Variants in ASTN2 observed in about 807,000 individuals in gnomAD.
ASTN2 encodes the protein astrotactin 2, also known as astrotactin-2.
Under a neutral mutation model 139.8 loss-of-function variants are expected in ASTN2, and 54 were observed. The observed-to-expected ratio is 0.39, with a 90% CI of 0.31 to 0.48. The LOEUF is 0.48. ASTN2 is among the 20% of genes least tolerant of loss of function. The pLI is 0.95. For missense variants in ASTN2, 1,565 were observed against 1,725.1 expected, an observed-to-expected ratio of 0.91 and a Z score of 1.64; for synonymous variants, 756 against 719.5, an observed-to-expected ratio of 1.05 and a Z score of -0.81.
chr9:117,207,254 G>A (rs965037760), intron 3 of ASTN2, among the ~76,000 whole-genome samples: 2 of 152,030 alleles, frequency 1.3e-5, no homozygotes, highest in Non-Finnish European at 2.9e-5. Context: ...CATGTCCCAG[G>A]TCCAAAAGAG....
At chr9:117,385,439 G>A (rs533566623) in intron 1 of ASTN2, among the ~76,000 whole-genome samples, 4 of 152,210 alleles carry the variant, frequency 2.6e-5, no homozygotes, top group Non-Finnish European at 5.9e-5. Flanking sequence ...GACAGAGAGA[G>A]ATCTGTGAGA....
At chr9:117,169,899 G>A (rs746256118) in intron 3 of ASTN2, among the ~76,000 whole-genome samples, 1 of 152,116 alleles carries the variant, frequency 6.6e-6, no homozygotes, top group Non-Finnish European at 1.5e-5. Context: ...AGTGCTTTGG[G>A]AACGGCATAA....
At chr9:117,160,458 C>G (rs573365439) in intron 3 of ASTN2, among the ~76,000 whole-genome samples, 15 of 89,574 alleles carry the variant, frequency 1.7e-4, no homozygotes, top group African/African-American at 2.6e-4. Context: ...GACCCATCTC[C>G]CTAAAAAGGC....
Position 116,626,672 on chromosome 9 carries a change from A to C in ASTN2, c.3073-6229T>G, listed in dbSNP as rs184221368. Among the ~76,000 whole-genome samples the C allele has an allele frequency of 6.1e-3, 925 of 152,178 alleles. 14 individuals carry two copies. Among genetic ancestry groups the C allele is most frequent in the African/African-American group, 0.022 (894 of 41,538 alleles). On this transcript the variant is annotated intron_variant, in intron 17 of 22. Transcript: ENST00000313400. The stretch of plus-strand genomic sequence containing the variant: ...TTGTCCAGAAGTTTTTGAAGATATA[A>C]AATAAGAAGCTTCTAAGGCCTAGAA...
intron 10 of ASTN2, among the ~76,000 whole-genome samples, chr9:116,911,903 A>G (rs1364901899): frequency 6.6e-6 from 1 of 152,130 alleles, no homozygotes; most frequent in African/African-American, 2.4e-5. Context: ...AAACAAACAA[A>G]CAAACAAACA....
rs1160064026 is a variant in ASTN2 at position 116,530,094 on chromosome 9, G to GAC, written c.3356-42595_3356-42594insGT. 3.9e-4 allele frequency among the ~76,000 whole-genome samples: 20 copies of GAC among 51,084 alleles called. 3 individuals are homozygous for GAC. In the South Asian group the frequency reaches 0.012, roughly 30 times the overall value. 33.5% of individuals were successfully genotyped at this position (51,084 alleles called of 152,430 possible). Reference sequence around the variant, plus strand: ...ATCAGTGGATGAATGGATAAAGTGTGATATATATATATATATATATATATA... The same window carrying GAC: ...ATCAGTGGATGAATGGATAAAGTGTGACATATATATATATATATATATATATA... On this transcript the variant is annotated intron_variant, in intron 19 of 22. Transcript: ENST00000313400.
At chr9:116,725,582 CATT>C (rs555918718) in intron 16 of ASTN2, among the ~76,000 whole-genome samples, 186 bp downstream of exon 16, 46 of 152,124 alleles carry the variant, frequency 3.0e-4, no homozygotes, top group South Asian at 6.2e-4. Flanking sequence ...CCTGCAAAAT[CATT>C]ATACGATCCC....
intron 1 of ASTN2, among the ~76,000 whole-genome samples, chr9:117,336,158 G>A (rs1828876850): frequency 6.6e-6 from 1 of 152,100 alleles, no homozygotes; most frequent in South Asian, 2.1e-4. Context: ...GACAGGAGGT[G>A]CTGGGGAATG....
rs139886744 is a variant in ASTN2, at chr9:116,945,372, T to C, written c.1889+29836A>G. On this transcript the variant is annotated intron_variant, in intron 10 of 22. Coordinates refer to ENST00000313400, the MANE Select transcript of ASTN2 (RefSeq NM_001365068.1). ...CACCAAATTCATGTTCTGTGAGTAA[T>C]GAAATGGGGACTGAATGTCAGGCAG... 8.1e-3 allele frequency among the ~76,000 whole-genome samples: 1,226 copies of C among 152,222 alleles called. 46 individuals carry two copies. Among genetic ancestry groups the C allele is most frequent in the Admixed American group, 0.072 (1,101 of 15,274 alleles).
chr9:117,044,633 T>C (rs1419926840), intron 5 of ASTN2, among the ~76,000 whole-genome samples: 1 of 152,242 alleles, frequency 6.6e-6, no homozygotes, highest in African/African-American at 2.4e-5. Flanking sequence ...ACTGCTGTTG[T>C]AAGATGCAGA....
chr9:117,011,017 G>A (rs1394796623), intron 6 of ASTN2, among the ~76,000 whole-genome samples: 1 of 152,150 alleles, frequency 6.6e-6, no homozygotes, highest in Non-Finnish European at 1.5e-5. Context: ...CTGGCAGCTG[G>A]GGAATAAGTG....
At chr9:117,265,862 C>A (rs1190643244) in intron 2 of ASTN2, among the ~76,000 whole-genome samples, 1 of 151,542 alleles carries the variant, frequency 6.6e-6, no homozygotes, top group Non-Finnish European at 1.5e-5. Context: ...GTGGGATTAT[C>A]GAATACCCTT....
At chr9:117,195,399 G>A (rs1831471947) in intron 3 of ASTN2, among the ~76,000 whole-genome samples, 1 of 152,156 alleles carries the variant, frequency 6.6e-6, no homozygotes, top group East Asian at 1.9e-4. Flanking sequence ...AGCATGGAGG[G>A]CAACTTTAAG....
At chr9:116,621,724 T>C (rs1373026211) in intron 17 of ASTN2, among the ~76,000 whole-genome samples, 2 of 152,210 alleles carry the variant, frequency 1.3e-5, no homozygotes, top group Admixed American at 1.3e-4. Flanking sequence ...CTAGCACAGT[T>C]ATTCAGTCAA....
intron 20 of ASTN2, among the ~76,000 whole-genome samples, chr9:116,448,982 C>T (rs958878986): frequency 2.0e-5 from 3 of 152,158 alleles, no homozygotes; most frequent in Non-Finnish European, 4.4e-5. Context: ...CACAATGAGG[C>T]AGGGTGTGCA....
chr9:117,124,540 A>G (rs1335647424), intron 4 of ASTN2, among the ~76,000 whole-genome samples: 1 of 152,206 alleles, frequency 6.6e-6, no homozygotes, highest in Non-Finnish European at 1.5e-5. Context: ...GCATCATATT[A>G]CTTTCAACTT....
intron 10 of ASTN2, among the ~76,000 whole-genome samples, chr9:116,936,683 T>C (rs1272829353): frequency 6.6e-6 from 1 of 152,134 alleles, no homozygotes; most frequent in African/African-American, 2.4e-5. Context: ...TTGGGTTTTC[T>C]GACAGCCCTT....
At chr9:116,971,091 C>T (rs1385331854) in intron 10 of ASTN2, among the ~76,000 whole-genome samples, 1 of 152,136 alleles carries the variant, frequency 6.6e-6, no homozygotes, top group Non-Finnish European at 1.5e-5. Flanking sequence ...TCTCTGTATT[C>T]CTGTGGTATA....
intron 1 of ASTN2, among the ~76,000 whole-genome samples, chr9:117,308,912 T>C (rs548055000): frequency 6.6e-6 from 1 of 152,284 alleles, no homozygotes; most frequent in Non-Finnish European, 1.5e-5. Context: ...ATATGGCATG[T>C]GAAAACTTGA....
Sources: gnomAD v4.1 joint callset for allele counts (sites outside exome capture counted in the v4.1 genomes callset) on GRCh38, gnomAD v4.1.1 for gene constraint, MANE v1.5 for transcripts, NCBI Gene and HGNC (gene_info 2026-07-23, HGNC 2026-07-21) for gene names.